Variants in STK11IP observed in about 807,000 individuals in gnomAD.
The protein encoded by STK11IP is serine/threonine-protein kinase 11-interacting protein.
In STK11IP, 103 loss-of-function variants were observed where a neutral mutation model predicts 131.7. The observed-to-expected ratio is 0.78, with a 90% confidence interval of 0.67 to 0.92. STK11IP has a LOEUF of 0.92. Among genes scored for constraint, STK11IP ranks in the 40% least tolerant of loss-of-function variants. The probability of loss-of-function intolerance (pLI) is 0.00; values close to 1 mark genes in which losing one functional copy is unlikely to be tolerated. For missense variants in STK11IP, 1,315 were observed against 1,385.7 expected (o/e 0.95, Z 0.81); for synonymous variants, 557 against 575.6 (o/e 0.97, Z 0.46).
intron 13 of STK11IP, 31 bp downstream of exon 13, chr2:219,607,168 C>G (rs772043482): frequency 8.7e-6 from 14 of 1,600,626 alleles, no homozygotes; most frequent in Non-Finnish European, 1.2e-5. Flanking sequence ...TAACCTCTCT[C>G]GTCCCCAGCG....
Position 219,613,875 on chromosome 2 carries a change from T to C in STK11IP, c.2661T>C (p.Cys887=), listed in dbSNP as rs754542590. Residue 887 remains cysteine (C), a synonymous_variant, in exon 21 of 25, where the codon TGT becomes TGC. Coordinates refer to ENST00000456909, the MANE Select transcript of STK11IP (RefSeq NM_052902.4). ...AGTGGGCAGCTGGGGCGGGCCGCTG[T>C]GTGCTGCTGCCCCGAGATGCCAGGC... ...RLEWAAGAGR[C]VLLPRDARHC... 7.5e-6 allele frequency: 12 copies of C among 1,604,712 alleles called. No homozygotes were observed. Among genetic ancestry groups the C allele is most frequent in the Non-Finnish European group, 1.0e-5 (12 of 1,175,850 alleles).
At chr2:219,607,939 C>CCCCATACACAGCCCATCG in intron 13 of STK11IP, 108 bp from the exon 14 acceptor site, 1 of 1,447,752 alleles carries the variant, frequency 6.9e-7, no homozygotes, top group Non-Finnish European at 9.3e-7. Context: ...TTGCCCGTGT[C>CCCCATACACAGCCCATCG]CCCATACACA....
rs1295495702 is a variant in STK11IP at position 219,611,771 on chromosome 2, G to A, written c.2272G>A (p.Ala758Thr). 6.2e-7 allele frequency: 1 copy of A among 1,613,052 alleles called. No homozygotes were observed. The highest frequency in any genetic ancestry group is 1.1e-5 in the South Asian group (1 of 91,080). ...PPGHGDHLDR[A>T]KNSPPQAPST... The stretch of plus-strand genomic sequence containing the variant: ...TGGCCATGGTGACCACCTTGACAGG[G>A]CCAAGAACAGCCCACCTCAGGCACC... Residue 758 changes from alanine to threonine, a missense_variant, in exon 18 of 25, where the codon GCC becomes ACC. Coordinates refer to ENST00000456909, the MANE Select transcript of STK11IP (RefSeq NM_052902.4).
chr2:219,614,988 C>T, intron 23 of STK11IP, 106 bp from the exon 24 acceptor site: 1 of 1,363,220 alleles, frequency 7.3e-7, no homozygotes, highest in Non-Finnish European at 9.8e-7. Context: ...TGTGACCCAC[C>T]TCAGAGTGTG....
intron 1 of STK11IP, 30 bp from the exon 2 acceptor site, chr2:219,598,064 G>A: frequency 1.3e-6 from 2 of 1,573,614 alleles, no homozygotes; most frequent in Non-Finnish European, 1.7e-6. Context: ...GCCCACCTGA[G>A]GCTCTTCCGC....
At position 219,612,194 on chromosome 2, in the gene STK11IP, T is replaced by G. The variant is rs1173995808; in HGVS notation, c.2439+136T>G. On this transcript the variant is annotated intron_variant, in intron 19 of 24. Transcript: ENST00000456909. Reference sequence around the variant, plus strand: ...GGTTTCAACCCCAGCAGCTTCTTGCTGTGTGGCCGTGGACACATTCCCTGG... The same window carrying G: ...GGTTTCAACCCCAGCAGCTTCTTGCGGTGTGGCCGTGGACACATTCCCTGG... 4 of 751,210 alleles carry G rather than the reference T, an allele frequency of 5.3e-6. No homozygotes were observed. In the Admixed American group the frequency reaches 7.3e-5, roughly 14 times the overall value. The allele number at this position is 751,210 out of a possible 1,614,324, so 46.5% of individuals were successfully genotyped here. A position where few individuals can be genotyped will look rare whatever the true frequency, so the allele number is the denominator to read the frequency against.
At position 219,606,208 on chromosome 2, in the gene STK11IP, G is replaced by A; in HGVS notation, c.863G>A (p.Gly288Glu). 4 of 1,566,072 alleles carry A rather than the reference G, an allele frequency of 2.6e-6. No homozygotes were observed. The highest frequency in any genetic ancestry group is 1.2e-5 in the South Asian group (1 of 85,110). The stretch of plus-strand genomic sequence containing the variant: ...CCTGCCCCTCAGCTCTACCTGGAGG[G>A]GAACCCTCTTTGGTTCCACCCTGAG... ...LAELRKLYLE[G>E]NPLWFHPEHR... Residue 288 changes from glycine to glutamate, a missense_variant, in exon 10 of 25, where the codon GGG (glycine) becomes GAG (glutamate). Gly to Glu is a moderately conservative substitution (Grantham distance 98). Coordinates refer to ENST00000456909, the MANE Select transcript of STK11IP (RefSeq NM_052902.4).
intron 3 of STK11IP, 41 bp from the exon 4 acceptor site, chr2:219,601,600 C>G (rs908359745): frequency 6.4e-7 from 1 of 1,557,088 alleles, no homozygotes; most frequent in Non-Finnish European, 8.7e-7. Flanking sequence ...GCAGGAAGAT[C>G]TGCTGTGCCT....
chr2:219,611,945 T>A lies in STK11IP; in HGVS notation c.2336-10T>A. The A allele has an allele frequency of 6.3e-7, 1 of 1,586,456 alleles. No homozygotes were observed. Among genetic ancestry groups the A allele is most frequent in the Non-Finnish European group, 8.6e-7 (1 of 1,166,798 alleles). On this transcript the variant is annotated splice_polypyrimidine_tract_variant and intron_variant, in intron 18 of 24. Transcript: ENST00000456909. ...CCATGGGCAGGCTGATGCCCCCTCA[T>A]TGCCCTCAGCCCCTGAGCGCTGTGG... is the stretch of plus-strand genomic sequence containing the variant.
chr2:219,609,137 G>T lies in STK11IP; in HGVS notation c.1850G>T (p.Arg617Leu), dbSNP rs1205571061. The T allele has an allele frequency of 6.2e-7, 1 of 1,609,546 alleles. No individual in the cohort carries two copies. Among genetic ancestry groups the T allele is most frequent in the Non-Finnish European group, 8.5e-7 (1 of 1,178,130 alleles). Residue 617 changes from arginine (R) to leucine (L), a missense_variant, in exon 16 of 25, where the codon CGC becomes CTC. Transcript: ENST00000456909. ...LLPGAPILSL[R>L]FSYICPDRQL... ...CCTGGAGCCCCCATCCTCAGTCTGC[G>T]CTTCTCCTACATCTGCCCTGACCGG...
At chr2:219,610,234 C>T (rs1246594135) in intron 17 of STK11IP, 1 of 153,650 alleles carries the variant, frequency 6.5e-6, no homozygotes, top group Non-Finnish European at 1.4e-5. Context: ...CCATTCCCCA[C>T]TGTGAACTGG....
At chr2:219,612,287 G>A (rs1698424837) in intron 19 of STK11IP, among the ~76,000 whole-genome samples, 2 of 152,174 alleles carry the variant, frequency 1.3e-5, no homozygotes, top group African/African-American at 2.4e-5. Context: ...AGTGGCGTGC[G>A]TCAGGGCTCA....
In STK11IP at chr2:219,602,355, T is replaced by C. The variant is rs944937602; in HGVS notation, c.439-113T>C. On this transcript the variant is annotated intron_variant, in intron 5 of 24. Transcript: ENST00000456909. ...GGACCTGGGCTTTAAGCCTGTATCT[T>C]CAGATGGAGTTCAGTGTATAAAAAA... 7.3e-6 allele frequency: 6 copies of C among 820,022 alleles called. No homozygotes were observed. The Admixed American group carries it at 1.5e-4, about 20-fold the overall frequency. The allele number at this position is 820,022 out of a possible 1,614,324, so 50.8% of individuals were successfully genotyped here. A position where few individuals can be genotyped will look rare whatever the true frequency, so the allele number is the denominator to read the frequency against.
chr2:219,609,035 C>T, intron 15 of STK11IP, 62 bp from the exon 16 acceptor site: 1 of 1,299,786 alleles, frequency 7.7e-7, no homozygotes. Context: ...CTCTCAGCAT[C>T]CCCTCATCCC....
chr2:219,600,059 GTTTTT>G (rs57060581), intron 2 of STK11IP, among the ~76,000 whole-genome samples: 1 of 91,700 alleles, frequency 1.1e-5, no homozygotes. Flanking sequence ...TTTTGTTTTT[GTTTTT>G]TTTTTTTTTT....
intron 11 of STK11IP, 33 bp from the exon 12 acceptor site, chr2:219,606,679 A>C: frequency 6.3e-7 from 1 of 1,597,074 alleles, no homozygotes; most frequent in South Asian, 1.1e-5. Flanking sequence ...CCCAGGCTCC[A>C]ACCTCTCTCT....
rs1698272081 is a variant in STK11IP, at chr2:219,608,379, G to A, written c.1552G>A (p.Glu518Lys). The change falls in exon 14 of 25, where the codon GAG becomes AAG. Residue 518 changes from glutamate to lysine, a missense_variant. Transcript: ENST00000456909. ...GGGGGAGATGGTGGAACAGGGAGAA[G>A]AGGAGGCAGGAGAGGAGGAAGAAGA... ...EEGEMVEQGE[E>K]EAGEEEEEEQ... 6.3e-7 allele frequency: 1 copy of A among 1,579,206 alleles called. No individual in the cohort carries two copies. The highest frequency in any genetic ancestry group is 8.6e-7 in the Non-Finnish European group (1 of 1,162,780).
chr2:219,609,439 G>A lies in STK11IP; in HGVS notation c.2003G>A (p.Gly668Asp). The change falls in exon 17 of 25, where the codon GGT becomes GAT. Residue 668 changes from glycine to aspartate, a missense_variant. Transcript: ENST00000456909. ...QLGEARDLLL[G>D]RFQCLRCGHE... ...GGGGAGGCCAGGGACCTCCTGCTGG[G>A]TAGATTCCAGTGTCTACGCTGTGGC... 1 of 1,612,578 alleles carries A rather than the reference G, an allele frequency of 6.2e-7. No homozygotes were observed. The highest frequency in any genetic ancestry group is 8.5e-7 in the Non-Finnish European group (1 of 1,179,502).
intron 24 of STK11IP, 48 bp downstream of exon 24, chr2:219,615,389 C>T: frequency 6.4e-7 from 1 of 1,569,746 alleles, no homozygotes; most frequent in Non-Finnish European, 8.6e-7. Context: ...AGATGGTGAG[C>T]ACAGGTTGGG....
Sources: gnomAD v4.1 joint callset for allele counts (sites outside exome capture counted in the v4.1 genomes callset) on GRCh38, gnomAD v4.1.1 for gene constraint, MANE v1.5 for transcripts, NCBI Gene and HGNC (gene_info 2026-07-23, HGNC 2026-07-21) for gene names.